LUZP2: variants seen among roughly 807,000 people sequenced by gnomAD.
LUZP2 encodes the protein leucine zipper protein 2.
Under a neutral mutation model 51.6 loss-of-function variants are expected in LUZP2, and 52 were observed. The observed-to-expected ratio is 1.01, with a 90% CI of 0.81 to 1.27. The LOEUF (loss-of-function observed/expected upper bound fraction) is 1.27. Ranked by LOEUF, LUZP2 falls within the 50% of genes most tolerant of loss-of-function variation. LUZP2 has a pLI of 0.00. For missense variants in LUZP2, 436 were observed against 395.4 expected, an observed-to-expected ratio of 1.10 and a Z score of -0.87; for synonymous variants, 154 against 137.3, an observed-to-expected ratio of 1.12 and a Z score of -0.85.
intron 9 of LUZP2, among the ~76,000 whole-genome samples, chr11:25,023,074 C>T (rs1857385797): frequency 6.6e-6 from 1 of 152,016 alleles, no homozygotes; most frequent in African/African-American, 2.4e-5. Flanking sequence ...AGGGTTTTTG[C>T]TTGATGTTCA....
chr11:24,868,615 T>TA (rs1464517015), intron 5 of LUZP2, among the ~76,000 whole-genome samples: 2 of 152,154 alleles, frequency 1.3e-5, no homozygotes, highest in Non-Finnish European at 2.9e-5. Context: ...ACCATCCTCA[T>TA]AATTTAACAA....
At chr11:24,872,620 A>G (rs1852118592) in intron 5 of LUZP2, among the ~76,000 whole-genome samples, 1 of 152,214 alleles carries the variant, frequency 6.6e-6, no homozygotes, top group African/African-American at 2.4e-5. Context: ...TGGAAGGAGT[A>G]GAAGCACTTA....
chr11:24,801,675 T>C (rs1044366324), intron 5 of LUZP2, among the ~76,000 whole-genome samples: 5 of 151,702 alleles, frequency 3.3e-5, no homozygotes, highest in Admixed American at 2.6e-4. Flanking sequence ...ATTTAGACAA[T>C]AATATTCTAA....
intron 9 of LUZP2, among the ~76,000 whole-genome samples, chr11:25,000,002 C>G (rs1040409450): frequency 8.6e-5 from 13 of 152,036 alleles, no homozygotes; most frequent in Non-Finnish European, 1.8e-4. Context: ...CTTATTTGGC[C>G]CCGCCCATAT....
intron 1 of LUZP2, among the ~76,000 whole-genome samples, chr11:24,583,692 C>T (rs887903256): frequency 1.6e-4 from 24 of 150,152 alleles, no homozygotes; most frequent in South Asian, 8.4e-4. Context: ...CAGGGGAAGT[C>T]GATGTATACC....
chr11:24,699,240 A>C (rs1035464332), intron 1 of LUZP2, among the ~76,000 whole-genome samples: 8 of 152,022 alleles, frequency 5.3e-5, no homozygotes, highest in Non-Finnish European at 8.8e-5. Context: ...CCCACGCTTC[A>C]CCATAAATTT....
intron 9 of LUZP2, among the ~76,000 whole-genome samples, chr11:25,018,603 CTTTT>C (rs755246752): frequency 2.7e-4 from 29 of 108,840 alleles, no homozygotes; most frequent in Non-Finnish European, 3.9e-4. Context: ...TTCCTTTTTC[CTTTT>C]TTTTTTTTTT....
chr11:24,743,163 C>G (rs985855795), intron 4 of LUZP2, among the ~76,000 whole-genome samples: 3 of 152,024 alleles, frequency 2.0e-5, no homozygotes, highest in African/African-American at 7.2e-5. Context: ...CTTGCTTTGG[C>G]TATGAGGGCT....
At chr11:24,707,268 CTCTT>C (rs768606831) in intron 1 of LUZP2, among the ~76,000 whole-genome samples, 3 of 149,016 alleles carry the variant, frequency 2.0e-5, no homozygotes, top group Non-Finnish European at 2.9e-5. Context: ...CCAGAGCTCA[CTCTT>C]TCTATCTCTC....
At chr11:24,701,559 A>G (rs2133910883) in intron 1 of LUZP2, 1 of 156,100 alleles carries the variant, frequency 6.4e-6, no homozygotes. Flanking sequence ...GAGACAAAGA[A>G]ACCAAATCTG....
At chr11:24,616,885 C>T (rs1403435403) in intron 1 of LUZP2, among the ~76,000 whole-genome samples, 2 of 152,100 alleles carry the variant, frequency 1.3e-5, no homozygotes, top group African/African-American at 4.8e-5. Flanking sequence ...GAGAGAACTG[C>T]AATCTTTGGT....
Position 25,079,334 on chromosome 11 carries a change from C to G in LUZP2, c.*676C>G, listed in dbSNP as rs561270553. 6.6e-6 allele frequency: 1 copy of G among 152,210 alleles called. No homozygotes were observed. The highest frequency in any genetic ancestry group is 2.1e-4 in the South Asian group (1 of 4,830). 9.4% of individuals were successfully genotyped at this position (152,210 alleles called of 1,614,324 possible). A position where few individuals can be genotyped will look rare whatever the true frequency, so the allele number is the denominator to read the frequency against. On this transcript the variant is annotated 3_prime_UTR_variant, in exon 12 of 12. Coordinates refer to ENST00000336930, the MANE Select transcript of LUZP2 (RefSeq NM_001009909.4). ...ATTAAATATTTTGGCATTCTATAGA[C>G]ACATCTCCTATGTATGTCTACTGTA...
chr11:24,857,341 AAT>A (rs1170109029), intron 5 of LUZP2, among the ~76,000 whole-genome samples: 4 of 148,494 alleles, frequency 2.7e-5, no homozygotes, highest in Non-Finnish European at 5.9e-5. Context: ...ATATATATAT[AAT>A]ATATATGTTT....
intron 1 of LUZP2, among the ~76,000 whole-genome samples, chr11:24,539,096 T>C (rs1416661128): frequency 6.6e-6 from 1 of 151,926 alleles, no homozygotes; most frequent in Non-Finnish European, 1.5e-5. Flanking sequence ...TTTCACTTTT[T>C]ATGTCATATG....
chr11:25,032,263 G>C (rs1857711880), intron 9 of LUZP2, among the ~76,000 whole-genome samples: 1 of 152,244 alleles, frequency 6.6e-6, no homozygotes, highest in African/African-American at 2.4e-5. Context: ...AATTTGTGTT[G>C]TTTTAAACCA....
intron 1 of LUZP2, among the ~76,000 whole-genome samples, chr11:24,676,830 A>G (rs574243931): frequency 8.5e-4 from 129 of 151,992 alleles, no homozygotes; most frequent in Admixed American, 2.8e-3. Flanking sequence ...TGTCTGGCTA[A>G]TGTTTTTTAT....
At chr11:25,056,281 A>C (rs1858682252) in intron 10 of LUZP2, among the ~76,000 whole-genome samples, 1 of 152,116 alleles carries the variant, frequency 6.6e-6, no homozygotes, top group African/African-American at 2.4e-5. Flanking sequence ...AAGTACTATA[A>C]TATATAATAG....
chr11:24,866,260 A>G (rs1851893453), intron 5 of LUZP2, among the ~76,000 whole-genome samples: 1 of 152,202 alleles, frequency 6.6e-6, no homozygotes, highest in Non-Finnish European at 1.5e-5. Flanking sequence ...AATGATAACT[A>G]AAGAGTTCAA....
intron 9 of LUZP2, among the ~76,000 whole-genome samples, chr11:24,985,244 A>C (rs1199301146): frequency 1.3e-5 from 2 of 151,654 alleles, no homozygotes; most frequent in African/African-American, 4.8e-5. Context: ...TTTCTGCAAG[A>C]GACAACAAGA....
Sources: gnomAD v4.1 joint callset for allele counts (sites outside exome capture counted in the v4.1 genomes callset) on GRCh38, gnomAD v4.1.1 for gene constraint, MANE v1.5 for transcripts, NCBI Gene and HGNC (gene_info 2026-07-23, HGNC 2026-07-21) for gene names.